Variants in SLF1 observed in about 807,000 individuals in gnomAD.
SLF1 encodes the protein SMC5/6 complex localization factor 1.
In SLF1, 105 loss-of-function variants were observed where a neutral mutation model predicts 123.0. The observed-to-expected ratio is 0.85, with a 90% CI of 0.73 to 1.00. SLF1 has a LOEUF of 1.00. Ranked by LOEUF, SLF1 falls within the 50% of genes least tolerant of loss-of-function variation. SLF1 has a pLI of 0.00. For missense variants in SLF1, 1,239 were observed against 1,223.0 expected, an observed-to-expected ratio of 1.01 and a Z score of -0.20; for synonymous variants, 434 against 406.6, an observed-to-expected ratio of 1.07 and a Z score of -0.81.
chr5:94,687,194 G>A (rs1752535473), intron 16 of SLF1, among the ~76,000 whole-genome samples: 1 of 152,164 alleles, frequency 6.6e-6, no homozygotes, highest in Non-Finnish European at 1.5e-5. Context: ...AAAGCCAGCG[G>A]CCGTGCTGAG....
intron 1 of SLF1, among the ~76,000 whole-genome samples, chr5:94,622,018 C>T (rs1200427382): frequency 6.6e-6 from 1 of 152,120 alleles, no homozygotes; most frequent in Non-Finnish European, 1.5e-5. Flanking sequence ...AAACCAAGGG[C>T]CTAATTTGGC....
At chr5:94,660,082 G>C (rs760183911) in intron 9 of SLF1, among the ~76,000 whole-genome samples, 10 of 152,134 alleles carry the variant, frequency 6.6e-5, no homozygotes, top group African/African-American at 9.7e-5. Context: ...GTGATGGGTC[G>C]ATCCACAGGT....
chr5:94,665,852 A>G lies in SLF1; in HGVS notation c.1369-9A>G, dbSNP rs1338687193. 3 of 1,531,380 alleles carry G rather than the reference A, an allele frequency of 2.0e-6. No individual in the cohort carries two copies. The African/African-American group carries it at 4.1e-5, about 21-fold the overall frequency. 94.9% of individuals were successfully genotyped at this position (1,531,380 alleles called of 1,614,324 possible). On this transcript the variant is annotated splice_polypyrimidine_tract_variant and intron_variant, in intron 11 of 20. Transcript: ENST00000265140. Reference sequence around the variant, plus strand: ...GTGTTTTATTTGTTTGTTTATTTTTAAATAATAGGATAACATAGATACATT... The same window carrying G: ...GTGTTTTATTTGTTTGTTTATTTTTGAATAATAGGATAACATAGATACATT...
At chr5:94,656,303 C>A (rs1459045534) in intron 9 of SLF1, among the ~76,000 whole-genome samples, 1 of 151,778 alleles carries the variant, frequency 6.6e-6, no homozygotes. Flanking sequence ...TACACTTGAT[C>A]ATAGTGTATT....
At chr5:94,668,268 G>A (rs1381123700) in intron 12 of SLF1, among the ~76,000 whole-genome samples, 1 of 152,134 alleles carries the variant, frequency 6.6e-6, no homozygotes, top group East Asian at 1.9e-4. Flanking sequence ...AGCCTCCTGA[G>A]TACCTGGGAC....
intron 14 of SLF1, among the ~76,000 whole-genome samples, chr5:94,676,070 A>G (rs1751024076): frequency 6.6e-6 from 1 of 152,048 alleles, no homozygotes; most frequent in African/African-American, 2.4e-5. Context: ...CTTGAGATGG[A>G]GAATACTTTC....
intron 4 of SLF1, among the ~76,000 whole-genome samples, chr5:94,642,344 G>A (rs1746545411): frequency 6.6e-6 from 1 of 152,194 alleles, no homozygotes; most frequent in Non-Finnish European, 1.5e-5. Context: ...TGCTAGCGAG[G>A]ACAGGTTTCC....
At chr5:94,656,371 A>G (rs1368176042) in intron 9 of SLF1, among the ~76,000 whole-genome samples, 2 of 151,564 alleles carry the variant, frequency 1.3e-5, no homozygotes, top group East Asian at 1.9e-4. Flanking sequence ...ACTCTTTGCT[A>G]TGTTGTTGGA....
intron 1 of SLF1, chr5:94,620,064 G>A (rs984226641): frequency 6.6e-6 from 1 of 152,162 alleles, no homozygotes. Context: ...ATTTTTAATA[G>A]AGACAGGGTT....
In SLF1 at chr5:94,695,865, GTAA is replaced by G. The variant is rs1322577322; in HGVS notation, c.*558_*560del. ...AAAATAAACATTTCTAAAATTTACAGTAATAATTAATATTCTTTTGGTTTTTAA... is the reference window on the plus strand; with the variant it reads ...AAAATAAACATTTCTAAAATTTACAGTAATTAATATTCTTTTGGTTTTTAA... On this transcript the variant is annotated 3_prime_UTR_variant, in exon 21 of 21. Transcript: ENST00000265140. 6 of 151,758 alleles carry G rather than the reference GTAA, an allele frequency of 4.0e-5. No homozygotes were observed. The highest frequency in any genetic ancestry group is 8.8e-5 in the Non-Finnish European group (6 of 67,824). 9.4% of individuals were successfully genotyped at this position (151,758 alleles called of 1,614,324 possible). A position where few individuals can be genotyped will look rare whatever the true frequency, so the allele number is the denominator to read the frequency against.
intron 1 of SLF1, among the ~76,000 whole-genome samples, chr5:94,626,070 G>C (rs186544949): frequency 6.6e-6 from 1 of 151,310 alleles, no homozygotes; most frequent in Admixed American, 6.6e-5. Context: ...TGGCTAACAC[G>C]GTGAAACCCT....
rs894712951 is a variant in SLF1 at position 94,690,464 on chromosome 5, GTTCTTT to G, written c.2419+865_2419+870del. Among the ~76,000 whole-genome samples the G allele has an allele frequency of 5.3e-5, 8 of 152,164 alleles. No homozygotes were observed. In the East Asian group the frequency reaches 1.3e-3, roughly 26 times the overall value. On this transcript the variant is annotated intron_variant, in intron 18 of 20. Coordinates refer to ENST00000265140, the MANE Select transcript of SLF1 (RefSeq NM_032290.4). ...TCAGATATTAATTTCACAAATCAGC[GTTCTTT>G]TTCTTTGTTTTATTGTTTCAGAAAG...
chr5:94,633,068 G>T (rs1003929513), intron 4 of SLF1, among the ~76,000 whole-genome samples: 6 of 151,760 alleles, frequency 4.0e-5, no homozygotes, highest in Non-Finnish European at 7.4e-5. Flanking sequence ...TTGGCTCACC[G>T]CAACCTCTGC....
chr5:94,678,021 C>T (rs566262118), intron 14 of SLF1, among the ~76,000 whole-genome samples: 4 of 151,866 alleles, frequency 2.6e-5, no homozygotes, highest in South Asian at 2.1e-4. Context: ...CCCGGGTTCA[C>T]GCCATTCTTC....
chr5:94,641,437 C>T (rs1053641264), intron 4 of SLF1, among the ~76,000 whole-genome samples: 7 of 152,110 alleles, frequency 4.6e-5, no homozygotes, highest in African/African-American at 1.4e-4. Context: ...TATAAATTAC[C>T]AAGTCTTCAG....
At chr5:94,657,132 G>T (rs1225620704) in intron 9 of SLF1, among the ~76,000 whole-genome samples, 2 of 151,224 alleles carry the variant, frequency 1.3e-5, no homozygotes, top group East Asian at 3.9e-4. Flanking sequence ...GAGGTGCATT[G>T]TTAAGTTGAT....
intron 4 of SLF1, among the ~76,000 whole-genome samples, chr5:94,641,396 T>G (rs192373511): frequency 1.7e-3 from 264 of 152,326 alleles, no homozygotes; most frequent in African/African-American, 5.7e-3. Flanking sequence ...CTTGGAGTTC[T>G]GAAAGTCCAA....
Position 94,695,262 on chromosome 5 carries a change from T to C in SLF1, c.3127T>C (p.Leu1043=). ...GTGTCCTGGGGTACACACTGAGGCC[T>C]TGATGATAACATTGGAAATGATGTG... ...KVCPGVHTEA[L]MITLEMMCRS... Residue 1043 remains leucine (L), a synonymous_variant, in exon 21 of 21, where the codon TTG becomes CTG. Coordinates refer to ENST00000265140, the MANE Select transcript of SLF1 (RefSeq NM_032290.4). 1 of 1,611,936 alleles carries C rather than the reference T, an allele frequency of 6.2e-7. No individual in the cohort carries two copies. Among genetic ancestry groups the C allele is most frequent in the South Asian group, 1.1e-5 (1 of 90,930 alleles).
chr5:94,684,534 TA>T (rs1471243545), intron 15 of SLF1, among the ~76,000 whole-genome samples: 1 of 151,634 alleles, frequency 6.6e-6, no homozygotes, highest in Non-Finnish European at 1.5e-5. Flanking sequence ...CTGTCTCTAC[TA>T]AAAATACAAA....
Sources: gnomAD v4.1 joint callset for allele counts (sites outside exome capture counted in the v4.1 genomes callset) on GRCh38, gnomAD v4.1.1 for gene constraint, MANE v1.5 for transcripts, NCBI Gene and HGNC (gene_info 2026-07-23, HGNC 2026-07-21) for gene names.